Variants in PARPBP observed in about 807,000 individuals in gnomAD.
PARPBP encodes PARP1 binding protein, also known as PCNA-interacting partner.
In PARPBP, 52 loss-of-function variants were observed where a neutral mutation model predicts 50.0. The ratio of observed to expected loss-of-function variants is 1.04; its 90% CI spans 0.83 to 1.31. PARPBP has a LOEUF of 1.31. Among genes scored for constraint, PARPBP ranks in the 50% most tolerant of loss-of-function variants. The probability of loss-of-function intolerance (pLI) is 0.00; values close to 1 mark genes in which losing one functional copy is unlikely to be tolerated. For synonymous variants in PARPBP, 244 were observed against 232.1 expected, an observed-to-expected ratio of 1.05 and a Z score of -0.47; for missense variants, 697 against 672.0, an observed-to-expected ratio of 1.04 and a Z score of -0.41.
chr12:102,160,944 A>G (rs1199674682), intron 4 of PARPBP, among the ~76,000 whole-genome samples: 1 of 148,018 alleles, frequency 6.8e-6, no homozygotes, highest in African/African-American at 2.5e-5. Context: ...GGGAAACATC[A>G]TCTCAAAAAA....
intron 7 of PARPBP, among the ~76,000 whole-genome samples, chr12:102,177,987 G>A (rs989356348): frequency 2.0e-5 from 3 of 152,120 alleles, no homozygotes; most frequent in Non-Finnish European, 2.9e-5. Context: ...TGCACTGTGC[G>A]TACACTTATT....
rs1331330289 is a variant in PARPBP at position 102,195,186 on chromosome 12, C to T, written c.1264-126C>T. ...ATATAAAAGGTTAGAGAGAGGTTCT[C>T]AATGAGTAATAGAATTTCTAAGGGA... is the stretch of plus-strand genomic sequence containing the variant. On this transcript the variant is annotated intron_variant, in intron 9 of 10. Coordinates refer to ENST00000327680, the MANE Select transcript of PARPBP (RefSeq NM_017915.5). The T allele has an allele frequency of 7.8e-6, 4 of 512,366 alleles. No individual in the cohort carries two copies. The Admixed American group carries it at 1.5e-4, about 19-fold the overall frequency. The allele number at this position is 512,366 out of a possible 1,614,324, so 31.7% of individuals were successfully genotyped here.
At chr12:102,191,301 T>C (rs1017599547) in intron 9 of PARPBP, among the ~76,000 whole-genome samples, 3 of 152,152 alleles carry the variant, frequency 2.0e-5, no homozygotes, top group South Asian at 2.1e-4. Flanking sequence ...GTCAAAAAGA[T>C]TTTTTTCTGC....
chr12:102,183,076 G>A (rs1434375064), intron 9 of PARPBP, among the ~76,000 whole-genome samples: 1 of 152,122 alleles, frequency 6.6e-6, no homozygotes, highest in Non-Finnish European at 1.5e-5. Context: ...GACTAGAACT[G>A]TTCCTGTTCT....
chr12:102,180,979 C>T (rs2136916864), intron 8 of PARPBP, among the ~76,000 whole-genome samples: 1 of 152,278 alleles, frequency 6.6e-6, no homozygotes, highest in Non-Finnish European at 1.5e-5. Context: ...AATTCTGGCT[C>T]TATTAAGCCA....
intron 2 of PARPBP, among the ~76,000 whole-genome samples, chr12:102,135,297 C>G (rs985173679): frequency 1.3e-5 from 2 of 152,084 alleles, no homozygotes; most frequent in African/African-American, 4.8e-5. Flanking sequence ...GTAATCCCAG[C>G]ACTTTGGGAG....
intron 2 of PARPBP, among the ~76,000 whole-genome samples, chr12:102,141,291 G>T (rs1884550791): frequency 6.6e-6 from 1 of 152,080 alleles, no homozygotes; most frequent in Non-Finnish European, 1.5e-5. Flanking sequence ...TTTTATCAGA[G>T]ACTAGGATTG....
At chr12:102,164,377 A>G in intron 4 of PARPBP, 61 bp from the exon 5 acceptor site, 1 of 1,268,456 alleles carries the variant, frequency 7.9e-7, no homozygotes, top group Non-Finnish European at 1.1e-6. Flanking sequence ...CTGCTTATGA[A>G]AAAGATTATG....
intron 2 of PARPBP, among the ~76,000 whole-genome samples, chr12:102,145,696 C>T (rs192935232): frequency 5.3e-4 from 81 of 152,050 alleles, no homozygotes; most frequent in Admixed American, 1.2e-3. Flanking sequence ...TTTTATTTCT[C>T]GTGGGATAGA....
At chr12:102,160,177 T>C (rs1465110433) in intron 4 of PARPBP, among the ~76,000 whole-genome samples, 1 of 152,166 alleles carries the variant, frequency 6.6e-6, no homozygotes, top group Non-Finnish European at 1.5e-5. Context: ...TATCTGACCA[T>C]AATAAGAGGG....
At position 102,178,657 on chromosome 12, in the gene PARPBP, A is replaced by T. The variant is rs146481791; in HGVS notation, c.1071A>T (p.Leu357Phe). 316 of 1,613,622 alleles carry T rather than the reference A, an allele frequency of 2.0e-4. No individual in the cohort carries two copies. The African/African-American group carries it at 3.4e-3, about 17-fold the overall frequency. The change falls in exon 8 of 11, where the codon TTA becomes TTT. Residue 357 changes from leucine to phenylalanine, a missense_variant. Transcript: ENST00000327680. ...GCAGAGATACTGTGAAAGCCTTATT[A>T]GTTCTTTTGGACGAAGAAGCAGCTA... is the stretch of plus-strand genomic sequence containing the variant. ...YCGRDTVKAL[L>F]VLLDEEAANA...
intron 9 of PARPBP, among the ~76,000 whole-genome samples, chr12:102,194,379 T>C (rs1215723709): frequency 6.6e-6 from 1 of 151,950 alleles, no homozygotes; most frequent in African/African-American, 2.4e-5. Flanking sequence ...GAAAATGATT[T>C]CAGGTGACTT....
intron 9 of PARPBP, among the ~76,000 whole-genome samples, chr12:102,194,794 A>C (rs1891116765): frequency 6.6e-6 from 1 of 151,646 alleles, no homozygotes; most frequent in Admixed American, 6.6e-5. Context: ...TTTATCTTGC[A>C]GTTTCTTTGC....
chr12:102,141,601 C>T (rs1325715071), intron 2 of PARPBP, among the ~76,000 whole-genome samples: 3 of 152,076 alleles, frequency 2.0e-5, no homozygotes, highest in Non-Finnish European at 4.4e-5. Flanking sequence ...TAAAATTTGG[C>T]ATGTTTTTGC....
intron 4 of PARPBP, among the ~76,000 whole-genome samples, chr12:102,164,143 CTATGTTGGTA>C (rs1170641795): frequency 6.6e-6 from 1 of 152,172 alleles, no homozygotes; most frequent in Admixed American, 6.6e-5. Flanking sequence ...TGTCTCCATT[CTATGTTGGTA>C]TACAACTGCT....
At position 102,151,808 on chromosome 12, in the gene PARPBP, A is replaced by G. The variant is rs912949012; in HGVS notation, c.388-2061A>G. On this transcript the variant is annotated intron_variant, in intron 3 of 10. Transcript: ENST00000327680. ...GCAGCTGTCATGCGGCAAGTGAGACAATGGGAAAGCCACCCGCTTCAGAAC... is the reference window on the plus strand; with the variant it reads ...GCAGCTGTCATGCGGCAAGTGAGACGATGGGAAAGCCACCCGCTTCAGAAC... The G allele has an allele frequency of 2.0e-5, 31 of 1,530,794 alleles. No individual in the cohort carries two copies. In the African/African-American group the frequency reaches 4.3e-4, roughly 21 times the overall value. 94.8% of individuals were successfully genotyped at this position (1,530,794 alleles called of 1,614,324 possible). A position where few individuals can be genotyped will look rare whatever the true frequency, so the allele number is the denominator to read the frequency against.
rs146481791 is a variant in PARPBP at position 102,178,657 on chromosome 12, A to G, written c.1071A>G (p.Leu357=). 1 of 1,613,624 alleles carries G rather than the reference A, an allele frequency of 6.2e-7. No individual in the cohort carries two copies. ...GCAGAGATACTGTGAAAGCCTTATT[A>G]GTTCTTTTGGACGAAGAAGCAGCTA... ...YCGRDTVKAL[L]VLLDEEAANA... The change falls in exon 8 of 11, where the codon TTA becomes TTG. Residue 357 remains leucine (L), a synonymous_variant. Coordinates refer to ENST00000327680, the MANE Select transcript of PARPBP (RefSeq NM_017915.5).
intron 4 of PARPBP, among the ~76,000 whole-genome samples, chr12:102,157,211 A>G (rs1431569788): frequency 2.0e-5 from 3 of 152,194 alleles, no homozygotes; most frequent in African/African-American, 7.2e-5. Flanking sequence ...AGTGTTTTAT[A>G]TGTGCATCTG....
At chr12:102,148,595 T>C in intron 3 of PARPBP, 132 bp downstream of exon 3, 2 of 487,822 alleles carry the variant, frequency 4.1e-6, no homozygotes, top group Non-Finnish European at 7.1e-6. Flanking sequence ...AATGGGAAAA[T>C]TTAGCTACCT....
Sources: allele counts gnomAD v4.1 joint callset (sites outside exome capture counted in the v4.1 genomes callset), GRCh38; gene constraint gnomAD v4.1.1; transcripts MANE v1.5; gene names NCBI Gene and HGNC (gene_info 2026-07-23, HGNC 2026-07-21).